The following PRKG2 variants were observed in gnomAD, a reference collection of about 807,000 sequenced individuals.
The protein encoded by PRKG2 is cGMP-dependent protein kinase 2.
In PRKG2, 33 loss-of-function variants were observed where a neutral mutation model predicts 97.2. That is an observed-to-expected ratio of 0.34 (90% CI 0.26 to 0.45). The LOEUF is 0.45. Ranked by LOEUF, PRKG2 falls within the 20% of genes least tolerant of loss-of-function variation. The pLI, the probability that PRKG2 is intolerant of heterozygous loss-of-function variation, is 1.00. For synonymous variants in PRKG2, 330 were observed against 321.8 expected, an observed-to-expected ratio of 1.03 and a Z score of -0.27; for missense variants, 638 against 900.0, an observed-to-expected ratio of 0.71 and a Z score of 3.73.
chr4:81,153,558 A>G (rs1198854526), intron 7 of PRKG2, 86 bp downstream of exon 7: 2 of 1,023,896 alleles, frequency 2.0e-6, no homozygotes, highest in African/African-American at 1.6e-5. Flanking sequence ...TGGAGGACCT[A>G]TGTTGCAATG....
At chr4:81,093,384 CACACACACACACACACACACAA>C (rs1252934908) in intron 17 of PRKG2, among the ~76,000 whole-genome samples, 2 of 151,014 alleles carry the variant, frequency 1.3e-5, no homozygotes, top group African/African-American at 4.9e-5. Flanking sequence ...CACACACACA[CACACACACACACACACACACAA>C]GCTTCTTATC....
At chr4:81,091,439 T>A (rs1741524481) in intron 18 of PRKG2, among the ~76,000 whole-genome samples, 1 of 152,056 alleles carries the variant, frequency 6.6e-6, no homozygotes, top group Non-Finnish European at 1.5e-5. Context: ...CCCGCCACCA[T>A]GCCCGGCTAA....
intron 1 of PRKG2, 135 bp from the exon 2 acceptor site, chr4:81,205,195 C>G: frequency 1.7e-6 from 1 of 580,738 alleles, no homozygotes; most frequent in Non-Finnish European, 2.8e-6. Context: ...ATAAACTTCC[C>G]GAAGTTTCCA....
chr4:81,187,696 T>C (rs927227168), intron 2 of PRKG2, among the ~76,000 whole-genome samples: 3 of 152,180 alleles, frequency 2.0e-5, no homozygotes, highest in Non-Finnish European at 4.4e-5. Flanking sequence ...GCAGATGACA[T>C]GATTGTATAT....
At chr4:81,139,431 C>T (rs963813964) in intron 12 of PRKG2, among the ~76,000 whole-genome samples, 3 of 151,946 alleles carry the variant, frequency 2.0e-5, no homozygotes, top group Non-Finnish European at 4.4e-5. Flanking sequence ...TACTCAAACA[C>T]ACATATATAT....
intron 6 of PRKG2, among the ~76,000 whole-genome samples, chr4:81,159,770 T>C (rs1409033493): frequency 6.6e-6 from 1 of 151,880 alleles, no homozygotes; most frequent in Non-Finnish European, 1.5e-5. Flanking sequence ...CATGGAATAC[T>C]ATGCAGCCAT....
chr4:81,126,074 T>C (rs979195142), intron 14 of PRKG2, among the ~76,000 whole-genome samples: 2 of 152,148 alleles, frequency 1.3e-5, no homozygotes, highest in Non-Finnish European at 2.9e-5. Context: ...TTCCCCTCCC[T>C]GGGTCCATGT....
intron 1 of PRKG2, among the ~76,000 whole-genome samples, chr4:81,207,901 C>G (rs941950543): frequency 6.6e-6 from 1 of 152,188 alleles, no homozygotes; most frequent in Non-Finnish European, 1.5e-5. Context: ...TAGATTCACT[C>G]TGTTTCCTGT....
chr4:81,157,228 T>C (rs1749184383), intron 6 of PRKG2, among the ~76,000 whole-genome samples: 1 of 151,720 alleles, frequency 6.6e-6, no homozygotes, highest in South Asian at 2.1e-4. Context: ...ATAGATGCAA[T>C]AAAAAATGAT....
chr4:81,167,851 C>T (rs561664481), intron 5 of PRKG2, among the ~76,000 whole-genome samples: 26 of 149,170 alleles, frequency 1.7e-4, no homozygotes, highest in African/African-American at 5.8e-4. Context: ...AACGCAGATA[C>T]TCTCAAGGAG....
At chr4:81,106,001 T>C in intron 15 of PRKG2, 66 bp from the exon 16 acceptor site, 1 of 1,517,426 alleles carries the variant, frequency 6.6e-7, no homozygotes. Context: ...TTGGAATGAA[T>C]TTTCTTTCTT....
chr4:81,136,384 T>G (rs1423776718), intron 13 of PRKG2, among the ~76,000 whole-genome samples: 1 of 152,200 alleles, frequency 6.6e-6, no homozygotes, highest in Non-Finnish European at 1.5e-5. Flanking sequence ...TTTTACTTTG[T>G]AAAAGCTTTC....
At chr4:81,147,032 C>T (rs953674508) in intron 9 of PRKG2, among the ~76,000 whole-genome samples, 2 of 152,050 alleles carry the variant, frequency 1.3e-5, no homozygotes, top group African/African-American at 4.8e-5. Flanking sequence ...AAAATATTCA[C>T]GTAATTTTTA....
intron 14 of PRKG2, among the ~76,000 whole-genome samples, chr4:81,114,941 T>C (rs1744357784): frequency 2.0e-5 from 3 of 152,240 alleles, no homozygotes; most frequent in Admixed American, 2.0e-4. Context: ...TGAAAAATTA[T>C]ATTTGTCAAT....
intron 6 of PRKG2, among the ~76,000 whole-genome samples, chr4:81,155,566 G>A (rs1748998328): frequency 6.6e-6 from 1 of 151,750 alleles, no homozygotes; most frequent in Non-Finnish European, 1.5e-5. Flanking sequence ...TCAGATTCAG[G>A]AAATACAGAG....
At chr4:81,119,336 C>A (rs1466844455) in intron 14 of PRKG2, among the ~76,000 whole-genome samples, 1 of 152,158 alleles carries the variant, frequency 6.6e-6, no homozygotes, top group East Asian at 1.9e-4. Flanking sequence ...GTCTGGATGT[C>A]GCATTGTTCC....
chr4:81,202,058 G>T (rs1242265933), intron 2 of PRKG2, among the ~76,000 whole-genome samples: 1 of 152,150 alleles, frequency 6.6e-6, no homozygotes, highest in African/African-American at 2.4e-5. Flanking sequence ...CTGATATCTA[G>T]CAGGAACTGC....
At chr4:81,095,004 AG>A (rs1331718872) in intron 17 of PRKG2, among the ~76,000 whole-genome samples, 1 of 152,128 alleles carries the variant, frequency 6.6e-6, no homozygotes, top group Non-Finnish European at 1.5e-5. Flanking sequence ...CTGTGATTAA[AG>A]GCAGGGAGAC....
rs1746563879 is a variant in PRKG2, at chr4:81,135,243, G to C, written c.1688C>G (p.Ala563Gly). 2 of 1,612,970 alleles carry C rather than the reference G, an allele frequency of 1.2e-6. No individual in the cohort carries two copies. The highest frequency in any genetic ancestry group is 3.3e-5 in the Admixed American group (2 of 59,934). Residue 563 changes from alanine (A) to glycine (G), a missense_variant, in exon 14 of 19, where the codon GCA (alanine) becomes GGA (glycine). By Grantham distance (60) the Ala-to-Gly change is moderately conservative. This residue lies in a region of PRKG2 where 304 missense variants were observed against 460.5 expected (regional missense o/e 0.66). Transcript: ENST00000264399. ...ACCTAGTCGATGCAGGTAATCAAATGCTTCTGTCACACAAGCAACGCAGAA... is the reference window on the plus strand; with the variant it reads ...ACCTAGTCGATGCAGGTAATCAAATCCTTCTGTCACACAAGCAACGCAGAA... ...SKFCVACVTE[A>G]FDYLHRLGII...
Sources: allele counts gnomAD v4.1 joint callset (sites outside exome capture counted in the v4.1 genomes callset), GRCh38; gene constraint gnomAD v4.1.1; regional missense constraint gnomAD v4.1.1; transcripts MANE v1.5; gene names NCBI Gene and HGNC (gene_info 2026-07-23, HGNC 2026-07-21).